Variants in HPSE2 observed in about 807,000 individuals in gnomAD.
The protein encoded by HPSE2 is heparanase 2 (inactive).
HPSE2 carries 38 observed loss-of-function variants against 60.5 expected under a neutral mutation model. The ratio of observed to expected loss-of-function variants is 0.63; its 90% CI spans 0.48 to 0.82. HPSE2 has a LOEUF of 0.82. Ranked by LOEUF, HPSE2 falls within the 40% of genes least tolerant of loss-of-function variation. The pLI is 0.00. For synonymous variants in HPSE2, 295 were observed against 293.2 expected, an observed-to-expected ratio of 1.01 and a Z score of -0.06; for missense variants, 713 against 740.4, an observed-to-expected ratio of 0.96 and a Z score of 0.43.
At chr10:99,231,048 C>A (rs576472731) in intron 2 of HPSE2, among the ~76,000 whole-genome samples, 1 of 152,226 alleles carries the variant, frequency 6.6e-6, no homozygotes, top group Admixed American at 6.5e-5. Context: ...AAGATATAGC[C>A]TTAAACACCT....
Position 98,504,199 on chromosome 10 carries a change from T to G in HPSE2, c.1321-14003A>C, listed in dbSNP as rs866159604. 2.0e-5 allele frequency among the ~76,000 whole-genome samples: 3 copies of G among 152,224 alleles called. No individual in the cohort carries two copies. The South Asian group carries it at 6.2e-4, about 32-fold the overall frequency. Reference sequence around the variant, plus strand: ...CTTTCTGATTATTTTTTAAACATTTTGTTTTTCACTCTGCAAGAGGTTGTC... The same window carrying G: ...CTTTCTGATTATTTTTTAAACATTTGGTTTTTCACTCTGCAAGAGGTTGTC... On this transcript the variant is annotated intron_variant, in intron 9 of 11. Transcript: ENST00000370552.
chr10:98,964,532 AG>A (rs1050901942), intron 3 of HPSE2, among the ~76,000 whole-genome samples: 3 of 152,040 alleles, frequency 2.0e-5, no homozygotes, highest in Non-Finnish European at 2.9e-5. Context: ...GAATTCCTCT[AG>A]TTTGGTTTTC....
In HPSE2 at chr10:98,478,802, T is replaced by C. The variant is rs114024636; in HGVS notation, c.1613+3834A>G. ...ATGTATTCCAGATGCAGAATACTCT[T>C]GTTTGTACACACTGCAATTTTCTAA... On this transcript the variant is annotated intron_variant, in intron 11 of 11. Coordinates refer to ENST00000370552, the MANE Select transcript of HPSE2 (RefSeq NM_021828.5). 5.8e-3 allele frequency among the ~76,000 whole-genome samples: 889 copies of C among 152,332 alleles called. 10 individuals carry two copies. The highest frequency in any genetic ancestry group is 0.02 in the African/African-American group (850 of 41,582).
At chr10:98,863,003 A>C (rs1952496113) in intron 3 of HPSE2, among the ~76,000 whole-genome samples, 1 of 152,076 alleles carries the variant, frequency 6.6e-6, no homozygotes. Context: ...GGCTCATGTG[A>C]TCCTCTCGGC....
chr10:98,490,085 G>C lies in HPSE2; in HGVS notation c.1432C>G (p.Leu478Val). The C allele has an allele frequency of 1.2e-6, 2 of 1,614,244 alleles. No homozygotes were observed. Among genetic ancestry groups the C allele is most frequent in the Non-Finnish European group, 1.7e-6 (2 of 1,180,044 alleles). Reference sequence around the variant, plus strand: ...TTTGTGCAGTGAGCATAAATCCTTAGTTTGTCCCGGATCACTCGGCCAGGC... The same window carrying C: ...TTTGTGCAGTGAGCATAAATCCTTACTTTGTCCCGGATCACTCGGCCAGGC... ...PRPGRVIRDK[L>V]RIYAHCTNHH... Residue 478 changes from leucine (L) to valine (V), a missense_variant, in exon 10 of 12, where the codon CTA (leucine) becomes GTA (valine). By Grantham distance (32) the Leu-to-Val change is conservative. Transcript: ENST00000370552.
At chr10:98,887,819 C>T (rs1953208697) in intron 3 of HPSE2, among the ~76,000 whole-genome samples, 1 of 151,522 alleles carries the variant, frequency 6.6e-6, no homozygotes, top group African/African-American at 2.4e-5. Flanking sequence ...TTGGTGAAAA[C>T]AATATGACAC....
intron 6 of HPSE2, among the ~76,000 whole-genome samples, chr10:98,668,500 C>G (rs1010888952): frequency 3.9e-5 from 6 of 152,026 alleles, no homozygotes; most frequent in African/African-American, 1.4e-4. Flanking sequence ...ATAATGTTAC[C>G]CAACTTCACT....
At chr10:98,731,145 C>T (rs1278080529) in intron 4 of HPSE2, among the ~76,000 whole-genome samples, 1 of 151,958 alleles carries the variant, frequency 6.6e-6, no homozygotes, top group Non-Finnish European at 1.5e-5. Context: ...ATTAGCCAGG[C>T]ATTAGAGGTG....
intron 2 of HPSE2, among the ~76,000 whole-genome samples, chr10:99,199,549 G>C (rs1848509146): frequency 6.6e-6 from 1 of 152,040 alleles, no homozygotes; most frequent in Non-Finnish European, 1.5e-5. Flanking sequence ...TTTTCCAATT[G>C]TATATTTATG....
chr10:98,725,524 A>G (rs1949050501), intron 4 of HPSE2, among the ~76,000 whole-genome samples: 1 of 152,154 alleles, frequency 6.6e-6, no homozygotes, highest in Non-Finnish European at 1.5e-5. Context: ...TAGACCTAAA[A>G]CCATAAAAAC....
At position 98,902,734 on chromosome 10, in the gene HPSE2, C is replaced by G. The variant is rs75082844; in HGVS notation, c.611-158678G>C. Among the ~76,000 whole-genome samples, 205 of 152,200 alleles carry G rather than the reference C, an allele frequency of 1.3e-3. 5 individuals are homozygous for G. The East Asian group carries it at 0.03, about 23-fold the overall frequency. On this transcript the variant is annotated intron_variant, in intron 3 of 11. Coordinates refer to ENST00000370552, the MANE Select transcript of HPSE2 (RefSeq NM_021828.5). ...TTTATGTGAAAATTTTAAAACCCTA[C>G]ATACAAATAATAAATTTTAGTTAAT...
At chr10:98,809,533 T>C (rs550360918) in intron 3 of HPSE2, among the ~76,000 whole-genome samples, 1 of 152,128 alleles carries the variant, frequency 6.6e-6, no homozygotes, top group South Asian at 2.1e-4. Flanking sequence ...TGTATATATA[T>C]ATATTTGTAT....
At chr10:98,514,894 T>G (rs960778434) in intron 9 of HPSE2, among the ~76,000 whole-genome samples, 1 of 151,848 alleles carries the variant, frequency 6.6e-6, no homozygotes, top group East Asian at 1.9e-4. Flanking sequence ...ATTTTTTTTT[T>G]TGTATTTTTA....
intron 3 of HPSE2, among the ~76,000 whole-genome samples, chr10:98,754,385 C>T (rs527292409): frequency 5.3e-4 from 81 of 152,140 alleles, no homozygotes; most frequent in African/African-American, 1.1e-3. Context: ...CTATGACTCG[C>T]TGGCATTCTT....
At chr10:99,023,022 T>C (rs1302662623) in intron 3 of HPSE2, among the ~76,000 whole-genome samples, 1 of 151,982 alleles carries the variant, frequency 6.6e-6, no homozygotes, top group Non-Finnish European at 1.5e-5. Context: ...ACAACCACAG[T>C]GGGATAGAGC....
intron 11 of HPSE2, among the ~76,000 whole-genome samples, chr10:98,472,268 G>A (rs569899380): frequency 2.0e-5 from 3 of 151,984 alleles, no homozygotes; most frequent in African/African-American, 2.4e-5. Flanking sequence ...CTGAACTGGG[G>A]CACTAACCTG....
intron 7 of HPSE2, among the ~76,000 whole-genome samples, chr10:98,623,843 G>GA (rs113688088): frequency 2.7e-5 from 4 of 150,872 alleles, no homozygotes; most frequent in South Asian, 2.1e-4. Context: ...TATGGGAAAT[G>GA]AAAAAAAAAG....
chr10:98,706,181 C>G (rs759397651), intron 5 of HPSE2, among the ~76,000 whole-genome samples: 1 of 152,106 alleles, frequency 6.6e-6, no homozygotes, highest in Admixed American at 6.5e-5. Context: ...ATTCCAAATC[C>G]GACCATCTTT....
chr10:98,960,701 C>CTTTTTTTTTTTTTTT, intron 3 of HPSE2, among the ~76,000 whole-genome samples: 69 of 57,478 alleles, frequency 1.2e-3, no homozygotes, highest in African/African-American at 1.7e-3. Flanking sequence ...ATGTACATTT[C>CTTTTTTTTTTTTTTT]TTTTTTTTTT....
Sources: gnomAD v4.1 joint callset for allele counts (sites outside exome capture counted in the v4.1 genomes callset) on GRCh38, gnomAD v4.1.1 for gene constraint, MANE v1.5 for transcripts, NCBI Gene and HGNC (gene_info 2026-07-23, HGNC 2026-07-21) for gene names.